Variants in AK7 observed in about 807,000 individuals in gnomAD.
AK7 encodes adenylate kinase 7, also known as ATP-AMP transphosphorylase 7.
Under a neutral mutation model 96.6 loss-of-function variants are expected in AK7, and 78 were observed. The ratio of observed to expected loss-of-function variants is 0.81; its 90% CI spans 0.67 to 0.97. The LOEUF (loss-of-function observed/expected upper bound fraction) is 0.97, where lower values mean the gene tolerates loss of function less well. AK7 is among the 50% of genes least tolerant of loss of function. The pLI is 0.00. For synonymous variants in AK7, 302 were observed against 317.2 expected, an observed-to-expected ratio of 0.95 and a Z score of 0.51; for missense variants, 855 against 887.9, an observed-to-expected ratio of 0.96 and a Z score of 0.47.
At chr14:96,428,600 T>C (rs939944991) in intron 5 of AK7, among the ~76,000 whole-genome samples, 1 of 152,224 alleles carries the variant, frequency 6.6e-6, no homozygotes, top group Non-Finnish European at 1.5e-5. Flanking sequence ...AGTGTTCCTA[T>C]TTCTCCACAT....
intron 5 of AK7, among the ~76,000 whole-genome samples, chr14:96,427,310 G>T (rs1892082385): frequency 6.6e-6 from 1 of 152,170 alleles, no homozygotes; most frequent in African/African-American, 2.4e-5. Context: ...TGTACAGGAA[G>T]CATGTTTGGG....
intron 3 of AK7, among the ~76,000 whole-genome samples, chr14:96,406,990 T>C (rs1327983135): frequency 6.6e-6 from 1 of 152,234 alleles, no homozygotes; most frequent in Non-Finnish European, 1.5e-5. Context: ...TTTTTAATAA[T>C]GTTTTATTAA....
chr14:96,464,164 G>C (rs1894425216), intron 12 of AK7, among the ~76,000 whole-genome samples: 1 of 152,064 alleles, frequency 6.6e-6, no homozygotes, highest in African/African-American at 2.4e-5. Flanking sequence ...AGAAGAGATA[G>C]TTTATTGAAA....
At position 96,471,539 on chromosome 14, in the gene AK7, C is replaced by A. The variant is rs748276677; in HGVS notation, c.1419C>A (p.Cys473Ter). 1 of 1,580,648 alleles carries A rather than the reference C, an allele frequency of 6.3e-7. No individual in the cohort carries two copies. The highest frequency in any genetic ancestry group is 1.4e-5 in the African/African-American group (1 of 73,896). ...FMKEKLKSMPCRNQGYILDGF... is the reference protein window; with the variant it reads ...FMKEKLKSMP Reference sequence around the variant, plus strand: ...AAGAAAAGCTAAAATCAATGCCTTGCAGGAATCAAGGTTATATTTTGGATG... The same window carrying A: ...AAGAAAAGCTAAAATCAATGCCTTGAAGGAATCAAGGTTATATTTTGGATG... The change falls in exon 13 of 18, where the codon TGC becomes TGA. Residue 473 changes from cysteine to a stop codon, truncating the protein, a stop_gained. Transcript: ENST00000267584. LOFTEE classifies it high-confidence loss of function.
intron 5 of AK7, among the ~76,000 whole-genome samples, chr14:96,430,311 G>C (rs1384743269): frequency 1.3e-5 from 2 of 150,928 alleles, no homozygotes; most frequent in African/African-American, 4.9e-5. Flanking sequence ...TCAGCCTCCC[G>C]AGTAGCTGGG....
intron 5 of AK7, among the ~76,000 whole-genome samples, chr14:96,435,730 C>T (rs1398839806): frequency 2.0e-5 from 3 of 152,168 alleles, no homozygotes; most frequent in Admixed American, 6.6e-5. Context: ...TACCGGAGAG[C>T]CCCCTCTGAC....
At chr14:96,407,584 T>C (rs1032500183) in intron 3 of AK7, among the ~76,000 whole-genome samples, 2 of 143,734 alleles carry the variant, frequency 1.4e-5, no homozygotes, top group East Asian at 2.0e-4. Flanking sequence ...TCTTTTCTTT[T>C]TTTTTTTTTT....
At chr14:96,480,520 T>C (rs1037548957) in intron 15 of AK7, among the ~76,000 whole-genome samples, 2 of 152,190 alleles carry the variant, frequency 1.3e-5, no homozygotes, top group Non-Finnish European at 2.9e-5. Context: ...TTTGTCCTCA[T>C]CTGGACATGT....
chr14:96,412,226 C>CTTTTT (rs34331496), intron 4 of AK7, among the ~76,000 whole-genome samples: 3 of 121,020 alleles, frequency 2.5e-5, no homozygotes, highest in South Asian at 2.6e-4. Context: ...TTCTTTCTTT[C>CTTTTT]TTTTTTTTTT....
rs756232944 is a variant in AK7 at position 96,483,145 on chromosome 14, G to A, written c.1900G>A (p.Ala634Thr). 2.5e-6 allele frequency: 4 copies of A among 1,613,998 alleles called. No homozygotes were observed. The highest frequency in any genetic ancestry group is 2.2e-5 in the East Asian group (1 of 44,862). ...KAAEERLAREAAEEAEREHQE... is the reference protein window; with the variant it reads ...KAAEERLARETAEEAEREHQE... ...TGCGGAGGAGCGGCTGGCCAGGGAG[G>A]CTGCTGAGGAAGCAGAACGCGAGCA... The change falls in exon 16 of 18, where the codon GCT (alanine) becomes ACT (threonine). Residue 634 changes from alanine (A) to threonine (T), a missense_variant. Physicochemically the swap from Ala to Thr is moderately conservative, Grantham distance 58. Coordinates refer to ENST00000267584, the MANE Select transcript of AK7 (RefSeq NM_152327.5).
chr14:96,458,168 A>G lies in AK7; in HGVS notation c.1313A>G (p.Gln438Arg), dbSNP rs1566797995. 6.2e-7 allele frequency: 1 copy of G among 1,614,100 alleles called. No individual in the cohort carries two copies. Among genetic ancestry groups the G allele is most frequent in the Non-Finnish European group, 8.5e-7 (1 of 1,179,974 alleles). ...EEEEENVEDA[Q>R]ELLDGIKESM... is the part of the protein sequence containing the mutation. ...GAGGAGGAGAATGTGGAAGATGCAC[A>G]GGAGCTCCTAGATGGCATCAAGGAG... Residue 438 changes from glutamine to arginine, a missense_variant, in exon 12 of 18, where the codon CAG becomes CGG. By Grantham distance (43) the Gln-to-Arg change is conservative. Transcript: ENST00000267584.
chr14:96,413,492 C>T (rs1595382243), intron 4 of AK7, among the ~76,000 whole-genome samples: 3 of 152,312 alleles, frequency 2.0e-5, no homozygotes, highest in African/African-American at 4.8e-5. Context: ...AGTCTCTGAA[C>T]CCAAGCCACT....
At chr14:96,478,036 G>C (rs1406654638) in intron 14 of AK7, among the ~76,000 whole-genome samples, 1 of 152,020 alleles carries the variant, frequency 6.6e-6, no homozygotes, top group African/African-American at 2.4e-5. Flanking sequence ...ATACATATAA[G>C]TATGTATTTT....
chr14:96,427,268 G>C (rs1892080178), intron 5 of AK7, among the ~76,000 whole-genome samples: 1 of 152,118 alleles, frequency 6.6e-6, no homozygotes, highest in Admixed American at 6.6e-5. Flanking sequence ...AAAAAAATTG[G>C]TTTAATTGAC....
Position 96,483,195 on chromosome 14 carries a change from G to T in AK7, c.1950G>T (p.Glu650Asp). 6.2e-7 allele frequency: 1 copy of T among 1,609,296 alleles called. No individual in the cohort carries two copies. The change falls in exon 16 of 18, where the codon GAG (glutamate) becomes GAT (aspartate). Residue 650 changes from glutamate (E) to aspartate (D), a missense_variant. Glu to Asp is a conservative substitution (Grantham distance 45). Transcript: ENST00000267584. ...REHQEAVEMA[E>D]KIARWEEWNK... ...ACCAGGAGGCCGTGGAGATGGCAGA[G>T]AAGATAGCTCGCTGGGAGGAGTGGG...
chr14:96,441,642 CAAAAAAAAAAAA>C (rs34473287), intron 6 of AK7, among the ~76,000 whole-genome samples: 1 of 91,506 alleles, frequency 1.1e-5, no homozygotes, highest in Non-Finnish European at 2.0e-5. Flanking sequence ...GACTCCGTCT[CAAAAAAAAAAAA>C]AAAAAAAAGA....
intron 6 of AK7, 98 bp from the exon 7 acceptor site, chr14:96,442,632 T>C: frequency 1.1e-6 from 1 of 901,772 alleles, no homozygotes; most frequent in Non-Finnish European, 1.9e-6. Flanking sequence ...AGCAGATAGC[T>C]AGGCCTTTCA....
intron 14 of AK7, among the ~76,000 whole-genome samples, chr14:96,473,726 C>T (rs1265358283): frequency 6.6e-6 from 1 of 152,160 alleles, no homozygotes; most frequent in Non-Finnish European, 1.5e-5. Flanking sequence ...CCACTGCTCT[C>T]TCCTGTAACA....
intron 2 of AK7, among the ~76,000 whole-genome samples, chr14:96,401,842 T>C (rs10782486): frequency 0.15 from 22,956 of 152,116 alleles, 2,399 homozygotes; most frequent in East Asian, 0.47. Context: ...TCAAATATCT[T>C]CTCCTATGAG....
Sources: allele counts gnomAD v4.1 joint callset (sites outside exome capture counted in the v4.1 genomes callset), GRCh38; gene constraint gnomAD v4.1.1; transcripts MANE v1.5; gene names NCBI Gene and HGNC (gene_info 2026-07-23, HGNC 2026-07-21).